ABCB10: variants seen among roughly 807,000 people sequenced by gnomAD.
ABCB10 encodes ATP-binding cassette sub-family B member 10, mitochondrial.
A neutral mutation model predicts 65.4 loss-of-function variants in ABCB10; 54 were observed. That is an observed-to-expected ratio of 0.83 (90% CI 0.66 to 1.04). ABCB10 has a LOEUF of 1.04. Ranked by LOEUF, ABCB10 falls within the 50% of genes least tolerant of loss-of-function variation. The pLI is 0.00. For missense variants in ABCB10, 846 were observed against 976.6 expected (o/e 0.87, Z 1.78); for synonymous variants, 418 against 406.5 (o/e 1.03, Z -0.34).
chr1:229,536,537 G>A (rs541624852), intron 6 of ABCB10, among the ~76,000 whole-genome samples: 19 of 152,150 alleles, frequency 1.2e-4, no homozygotes, highest in African/African-American at 4.6e-4. Context: ...AGAAGTAAAG[G>A]TAAAGAGTCA....
At chr1:229,524,751 C>T (rs1296942000) in intron 10 of ABCB10, among the ~76,000 whole-genome samples, 7 of 152,118 alleles carry the variant, frequency 4.6e-5, no homozygotes, top group Admixed American at 3.9e-4. Context: ...TGTCTATGCA[C>T]GGCCCTCAAG....
Position 229,530,246 on chromosome 1 carries a change from T to G in ABCB10, c.1598A>C (p.Lys533Thr). 1 of 1,614,088 alleles carries G rather than the reference T, an allele frequency of 6.2e-7. No individual in the cohort carries two copies. The highest frequency in any genetic ancestry group is 8.5e-7 in the Non-Finnish European group (1 of 1,180,004). Residue 533 changes from lysine to threonine, a missense_variant, in exon 8 of 13, where the codon AAA becomes ACA. Coordinates refer to ENST00000344517, the MANE Select transcript of ABCB10 (RefSeq NM_012089.3). The part of the protein sequence containing the change: ...TALVGPSGSG[K>T]STVLSLLLRL... Reference sequence around the variant, plus strand: ...CAGCAGGAGTGAAAGCACTGTTGATTTGCCAGAACCACTTGGGCCAACCAG... The same window carrying G: ...CAGCAGGAGTGAAAGCACTGTTGATGTGCCAGAACCACTTGGGCCAACCAG...
Position 229,518,364 on chromosome 1 carries a change from G to C in ABCB10, c.2032C>G (p.Arg678Gly). 1 of 1,614,148 alleles carries C rather than the reference G, an allele frequency of 6.2e-7. No homozygotes were observed. Among genetic ancestry groups the C allele is most frequent in the Non-Finnish European group, 8.5e-7 (1 of 1,180,038 alleles). ...AACACCGTTCTTCCATCCATCAGTC[G>C]ATCTAGAGCTTCTTGAACAAGGTAC... ...NEYLVQEALD[R>G]LMDGRTVLVI... The change falls in exon 13 of 13, where the codon CGA (arginine) becomes GGA (glycine). Residue 678 changes from arginine (R) to glycine (G), a missense_variant. Arg to Gly is a moderately radical substitution (Grantham distance 125). Around this residue, in one of 2 missense-constraint regions of ABCB10, gnomAD observed 632 missense variants for 803.2 expected, o/e 0.79. Coordinates refer to ENST00000344517, the MANE Select transcript of ABCB10 (RefSeq NM_012089.3).
intron 1 of ABCB10, among the ~76,000 whole-genome samples, chr1:229,550,758 G>T (rs1297415378): frequency 6.6e-6 from 1 of 151,540 alleles, no homozygotes; most frequent in South Asian, 2.1e-4. Flanking sequence ...TAGCTACTTG[G>T]GAGGCTGAGG....
chr1:229,535,813 C>A (rs1212812140), intron 6 of ABCB10, among the ~76,000 whole-genome samples: 1 of 151,944 alleles, frequency 6.6e-6, no homozygotes, highest in Non-Finnish European at 1.5e-5. Context: ...GCAACCTCCA[C>A]CTCCCAGGTT....
chr1:229,531,840 TTAA>T, intron 6 of ABCB10, 109 bp from the exon 7 acceptor site: 1 of 825,036 alleles, frequency 1.2e-6, no homozygotes, highest in Non-Finnish European at 1.8e-6. Context: ...AAATCTGTTA[TTAA>T]TATTTTCAAA....
At chr1:229,530,605 C>T (rs965494626) in intron 7 of ABCB10, among the ~76,000 whole-genome samples, 197 bp from the exon 8 acceptor site, 1 of 152,148 alleles carries the variant, frequency 6.6e-6, no homozygotes, top group Non-Finnish European at 1.5e-5. Context: ...CTACTATGTC[C>T]AAGGTACTAT....
In ABCB10 at chr1:229,558,123, G is replaced by C; in HGVS notation, c.517+13C>G. 1 of 1,379,300 alleles carries C rather than the reference G, an allele frequency of 7.3e-7. No individual in the cohort carries two copies. The highest frequency in any genetic ancestry group is 9.4e-7 in the Non-Finnish European group (1 of 1,068,932). 85.4% of individuals were successfully genotyped at this position (1,379,300 alleles called of 1,614,324 possible). On this transcript the variant is annotated intron_variant, in intron 1 of 12. Transcript: ENST00000344517. ...GAGGCCCGGCGGAGGGAAGTGGCCGGGGAGGACCCTACCTGCCAGCCTCCG... is the reference window on the plus strand; with the variant it reads ...GAGGCCCGGCGGAGGGAAGTGGCCGCGGAGGACCCTACCTGCCAGCCTCCG...
At chr1:229,543,841 A>G (rs1662907046) in intron 3 of ABCB10, among the ~76,000 whole-genome samples, 1 of 152,188 alleles carries the variant, frequency 6.6e-6, no homozygotes, top group Non-Finnish European at 1.5e-5. Context: ...GTCCATCAGG[A>G]CACCTGGGGT....
At chr1:229,529,732 A>G (rs1161405434) in intron 8 of ABCB10, among the ~76,000 whole-genome samples, 8 of 151,934 alleles carry the variant, frequency 5.3e-5, no homozygotes, top group African/African-American at 1.7e-4. Flanking sequence ...TGTGTGCACA[A>G]TAAGCATTCA....
rs374704295 is a variant in ABCB10, at chr1:229,540,720, A to G, written c.1089T>C (p.Thr363=). 12 of 1,613,696 alleles carry G rather than the reference A, an allele frequency of 7.4e-6. No individual in the cohort carries two copies. The South Asian group carries it at 8.8e-5, about 12-fold the overall frequency. The change falls in exon 5 of 13, where the codon ACT becomes ACC. Residue 363 remains threonine, a synonymous_variant. Coordinates refer to ENST00000344517, the MANE Select transcript of ABCB10 (RefSeq NM_012089.3). ...LAEERIGNVR[T]VRAFGKEMTE... is the part of the protein sequence containing the mutation. Reference sequence around the variant, plus strand: ...TCATTTCTTTCCCAAAAGCTCGAACAGTTCTTACATTTCCAATACGTTCCT... The same window carrying G: ...TCATTTCTTTCCCAAAAGCTCGAACGGTTCTTACATTTCCAATACGTTCCT...
rs1222901631 is a variant in ABCB10 at position 229,558,639 on chromosome 1, G to T, written c.14C>A (p.Pro5His). The T allele has an allele frequency of 7.3e-7, 1 of 1,371,662 alleles. No individual in the cohort carries two copies. The highest frequency in any genetic ancestry group is 9.4e-7 in the Non-Finnish European group (1 of 1,063,638). The allele number at this position is 1,371,662 out of a possible 1,614,324, so 85.0% of individuals were successfully genotyped here. A position where few individuals can be genotyped will look rare whatever the true frequency, so the allele number is the denominator to read the frequency against. ...CTCGAGCAGCCGCAGCGGCCAGGCA[G>T]GGGGGCCTCGCATGGCGCTGCGTGC... is the stretch of plus-strand genomic sequence containing the variant. The part of the protein sequence containing the change: MRGP[P>H]AWPLRLLEPP... The change falls in exon 1 of 13, where the codon CCT becomes CAT. Residue 5 changes from proline (P) to histidine (H), a missense_variant. Pro to His is a moderately conservative substitution (Grantham distance 77). Around this residue, in one of 2 missense-constraint regions of ABCB10, gnomAD observed 214 missense variants for 173.5 expected, o/e 1.23. Coordinates refer to ENST00000344517, the MANE Select transcript of ABCB10 (RefSeq NM_012089.3).
intron 1 of ABCB10, 79 bp downstream of exon 1, chr1:229,558,057 T>C: frequency 8.0e-7 from 1 of 1,248,702 alleles, no homozygotes; most frequent in South Asian, 2.5e-5. Flanking sequence ...GGCCCGGCCG[T>C]GTCCCTCTCG....
rs1488141775 is a variant in ABCB10, at chr1:229,549,332, T to C, written c.620A>G (p.Tyr207Cys). The C allele has an allele frequency of 3.7e-6, 6 of 1,614,070 alleles. No individual in the cohort carries two copies. The highest frequency in any genetic ancestry group is 1.7e-4 in the Middle Eastern group (1 of 6,060). Residue 207 changes from tyrosine to cysteine, a missense_variant, in exon 2 of 13, where the codon TAC becomes TGC. Tyr to Cys is a radical substitution (Grantham distance 194). This residue lies in a region of ABCB10 where 632 missense variants were observed against 803.2 expected (regional missense o/e 0.79). Transcript: ENST00000344517. ...DVIYTNPTVD[Y>C]SDNLTRLCLG... ...GCAGAGGCGGGTCAGGTTGTCGCTG[T>C]AGTCCACAGTGGGGTTGGTATAGAT...
chr1:229,517,341 T>C lies in ABCB10; in HGVS notation c.*838A>G, dbSNP rs1437964346. The C allele has an allele frequency of 1.3e-5, 2 of 152,354 alleles. No homozygotes were observed. Among genetic ancestry groups the C allele is most frequent in the East Asian group, 3.9e-4 (2 of 5,190 alleles). 9.4% of individuals were successfully genotyped at this position (152,354 alleles called of 1,614,324 possible). On this transcript the variant is annotated 3_prime_UTR_variant, in exon 13 of 13. Transcript: ENST00000344517. ...TAAGATTCAATTTGTCTTGAAATTA[T>C]AAATTTGTAACAGATATTTTTCAAA...
Position 229,518,319 on chromosome 1 carries a change from A to C in ABCB10, c.2077T>G (p.Ser693Ala). 1.2e-6 allele frequency: 2 copies of C among 1,614,190 alleles called. No homozygotes were observed. The highest frequency in any genetic ancestry group is 1.7e-6 in the Non-Finnish European group (2 of 1,180,036). ...ACCATATTAGCATTCTTAATGGTGG[A>C]CAGACGATGGGCAATAACTAACACC... The part of the protein sequence containing the change: ...RTVLVIAHRL[S>A]TIKNANMVAV... Residue 693 changes from serine (S) to alanine (A), a missense_variant, in exon 13 of 13, where the codon TCC becomes GCC. Ser to Ala is a moderately conservative substitution (Grantham distance 99). Transcript: ENST00000344517.
rs557656753 is a variant in ABCB10 at position 229,518,125 on chromosome 1, T to C, written c.*54A>G. 5.9e-6 allele frequency: 8 copies of C among 1,353,460 alleles called. No individual in the cohort carries two copies. Among genetic ancestry groups the C allele is most frequent in the African/African-American group, 5.8e-5 (4 of 68,866 alleles). 83.8% of individuals were successfully genotyped at this position (1,353,460 alleles called of 1,614,324 possible). A position where few individuals can be genotyped will look rare whatever the true frequency, so the allele number is the denominator to read the frequency against. ...TATTTCATAGTCTCTGAGTTTTTTT[T>C]CTGCAACACTGTTTTGCATTAAAGT... On this transcript the variant is annotated 3_prime_UTR_variant, in exon 13 of 13. Coordinates refer to ENST00000344517, the MANE Select transcript of ABCB10 (RefSeq NM_012089.3).
Position 229,558,580 on chromosome 1 carries a change from G to C in ABCB10, c.73C>G (p.Pro25Ala). Residue 25 changes from proline to alanine, a missense_variant, in exon 1 of 13, where the codon CCG (proline) becomes GCG (alanine). This residue lies in a region of ABCB10 where 214 missense variants were observed against 173.5 expected (regional missense o/e 1.23). Transcript: ENST00000344517. ...GCCGCGGCCCACACGCAGGCTACCG[G>C]CAGGAGCCGACCTGGCTCGGCAGGG... Reference protein sequence around the residue: ...PSPAEPGRLLPVACVWAAASR... With the variant: ...PSPAEPGRLLAVACVWAAASR... 1 of 1,444,942 alleles carries C rather than the reference G, an allele frequency of 6.9e-7. No homozygotes were observed. 89.5% of individuals were successfully genotyped at this position (1,444,942 alleles called of 1,614,324 possible).
chr1:229,527,226 T>C lies in ABCB10; in HGVS notation c.1725+3A>G, dbSNP rs756019623. 2.5e-6 allele frequency: 4 copies of C among 1,613,176 alleles called. No homozygotes were observed. The African/African-American group carries it at 5.3e-5, about 22-fold the overall frequency. On this transcript the variant is annotated splice_donor_region_variant and intron_variant, in intron 9 of 12. Coordinates refer to ENST00000344517, the MANE Select transcript of ABCB10 (RefSeq NM_012089.3). The stretch of plus-strand genomic sequence containing the variant: ...AAATAGAAATGGAAGCCTCTCTTCT[T>C]ACCTGACTCACTGTCCCAATTTTGG...
Sources: allele counts gnomAD v4.1 joint callset (sites outside exome capture counted in the v4.1 genomes callset), GRCh38; gene constraint gnomAD v4.1.1; regional missense constraint gnomAD v4.1.1; transcripts MANE v1.5; gene names NCBI Gene and HGNC (gene_info 2026-07-23, HGNC 2026-07-21).